The following PHKA2 variants were observed in gnomAD, a reference collection of about 807,000 sequenced individuals.
PHKA2 encodes the protein phosphorylase b kinase regulatory subunit alpha, liver isoform.
Under a neutral mutation model 102.0 loss-of-function variants are expected in PHKA2, and 31 were observed. The observed-to-expected ratio is 0.30, with a 90% CI of 0.23 to 0.41. PHKA2 has a LOEUF of 0.41. PHKA2 is among the 10% of genes least tolerant of loss of function. PHKA2 has a pLI of 1.00. For synonymous variants in PHKA2, 455 were observed against 416.2 expected, an observed-to-expected ratio of 1.09 and a Z score of -1.13; for missense variants, 858 against 1,023.1, an observed-to-expected ratio of 0.84 and a Z score of 2.20.
At position 18,897,271 on chromosome X, in the gene PHKA2, G is replaced by A. The variant is rs750028556; in HGVS notation, c.3174C>T (p.Ile1058=). 18 of 1,209,326 alleles carry A rather than the reference G, an allele frequency of 1.5e-5. No individual in the cohort carries two copies. The highest frequency in any genetic ancestry group is 1.8e-5 in the South Asian group (1 of 56,793). ...ACTGGCCCTGCCGCTCACCCCAGCC[G>A]ATGTGATGTCCTCCCGAGTCTGAGG... is the stretch of plus-strand genomic sequence containing the variant. ...TSSSDSGGHH[I]GWGERQGQWL... Residue 1058 remains isoleucine (I), a synonymous_variant, in exon 30 of 33, where the codon ATC becomes ATT. Coordinates refer to ENST00000379942, the MANE Select transcript of PHKA2 (RefSeq NM_000292.3).
intron 5 of PHKA2, among the ~76,000 whole-genome samples, chrX:18,946,964 C>T (rs968431279): frequency 1.8e-5 from 2 of 109,102 alleles, no homozygotes; most frequent in Non-Finnish European, 3.8e-5. Flanking sequence ...TGACCAGGTG[C>T]GACAACCAAA....
At chrX:18,905,995 T>G (rs758208896) in intron 25 of PHKA2, 136 bp from the exon 26 acceptor site, 9 of 512,183 alleles carry the variant, frequency 1.8e-5, no homozygotes, top group Non-Finnish European at 2.8e-5. Flanking sequence ...AACCTCACTA[T>G]TGCTTTGGGG....
At chrX:18,915,846 T>C (rs973509811) in intron 19 of PHKA2, among the ~76,000 whole-genome samples, 4 of 111,017 alleles carry the variant, frequency 3.6e-5, no homozygotes, top group Non-Finnish European at 7.5e-5. Flanking sequence ...AATGATAAAG[T>C]CTTCTCTAGG....
intron 12 of PHKA2, among the ~76,000 whole-genome samples, chrX:18,930,420 TGTTCTGGGA>T (rs1194725941): frequency 9.2e-6 from 1 of 108,318 alleles, no homozygotes; most frequent in African/African-American, 3.4e-5. Flanking sequence ...AGGATCAAGG[TGTTCTGGGA>T]GTTCTGAGGA....
intron 1 of PHKA2, among the ~76,000 whole-genome samples, chrX:18,963,458 C>G (rs1002582890): frequency 8.9e-6 from 1 of 112,293 alleles, no homozygotes; most frequent in Non-Finnish European, 1.9e-5. Flanking sequence ...CACTCAGAGT[C>G]AAACAGGGCA....
intron 1 of PHKA2, among the ~76,000 whole-genome samples, chrX:18,983,608 C>T (rs987450218): frequency 8.9e-6 from 1 of 112,243 alleles, no homozygotes; most frequent in African/African-American, 3.2e-5. Flanking sequence ...ACGGAGGCGG[C>T]TCATTCTCAT....
At chrX:18,934,577 G>A (rs1382001765) in intron 11 of PHKA2, among the ~76,000 whole-genome samples, 1 of 112,143 alleles carries the variant, frequency 8.9e-6, no homozygotes, top group South Asian at 3.7e-4. Context: ...ACTTCTCACG[G>A]AAACTCCTTC....
At chrX:18,978,698 G>C (rs1465340937) in intron 1 of PHKA2, among the ~76,000 whole-genome samples, 1 of 111,435 alleles carries the variant, frequency 9.0e-6, no homozygotes, top group East Asian at 2.8e-4. Context: ...GGGTGACAGA[G>C]CGAGACTCTG....
chrX:18,937,792 G>A (rs2048417886), intron 10 of PHKA2, among the ~76,000 whole-genome samples: 1 of 112,246 alleles, frequency 8.9e-6, no homozygotes, highest in Admixed American at 9.4e-5. Context: ...AAGCAAGGCA[G>A]TAGCATAACC....
In PHKA2 at chrX:18,954,426, G is replaced by A. The variant is rs746984870; in HGVS notation, c.79-14C>T. The A allele has an allele frequency of 8.3e-7, 1 of 1,206,444 alleles. No individual in the cohort carries two copies. The highest frequency in any genetic ancestry group is 1.1e-6 in the Non-Finnish European group (1 of 892,702). ...CGTGACGGGATTCTATTAGAGAAGA[G>A]ACACAAAATGGCTCAGTGCCATCCT... is the stretch of plus-strand genomic sequence containing the variant. On this transcript the variant is annotated splice_polypyrimidine_tract_variant and intron_variant, in intron 1 of 32. Coordinates refer to ENST00000379942, the MANE Select transcript of PHKA2 (RefSeq NM_000292.3).
chrX:18,952,346 AAAAAAG>A, intron 3 of PHKA2, 142 bp downstream of exon 3: 1 of 498,959 alleles, frequency 2.0e-6, no homozygotes. Flanking sequence ...AAAAAAAAAA[AAAAAAG>A]AGAGAGAGAA....
At position 18,943,756 on chromosome X, in the gene PHKA2, C is replaced by A. The variant is rs1202167585; in HGVS notation, c.671G>T (p.Arg224Leu). 1 of 1,210,254 alleles carries A rather than the reference C, an allele frequency of 8.3e-7. No homozygotes were observed. Among genetic ancestry groups the A allele is most frequent in the Non-Finnish European group, 1.1e-6 (1 of 894,134 alleles). Residue 224 changes from arginine (R) to leucine (L), a missense_variant, in exon 7 of 33, where the codon CGC (arginine) becomes CTC (leucine). Physicochemically the swap from Arg to Leu is moderately radical, Grantham distance 102. This residue lies in a region of PHKA2 where 187 missense variants were observed against 277.9 expected (regional missense o/e 0.67). Coordinates refer to ENST00000379942, the MANE Select transcript of PHKA2 (RefSeq NM_000292.3). Reference protein sequence around the residue: ...ELDLFGAHGGRKSVIHVLPDE... With the variant: ...ELDLFGAHGGLKSVIHVLPDE... Reference sequence around the variant, plus strand: ...TGGCAGAACATGAATCACTGACTTGCGTCCTCCATGGGCTCCAAAAAGGTC... The same window carrying A: ...TGGCAGAACATGAATCACTGACTTGAGTCCTCCATGGGCTCCAAAAAGGTC...
chrX:18,919,958 T>C, intron 18 of PHKA2, 74 bp downstream of exon 18: 1 of 811,894 alleles, frequency 1.2e-6, no homozygotes, highest in South Asian at 2.0e-5. Context: ...ATTTGAGTCT[T>C]AGGGCAATTT....
In PHKA2 at chrX:18,918,858, T is replaced by C; in HGVS notation, c.1964-4A>G. On this transcript the variant is annotated splice_polypyrimidine_tract_variant and splice_region_variant and intron_variant, in intron 18 of 32. Coordinates refer to ENST00000379942, the MANE Select transcript of PHKA2 (RefSeq NM_000292.3). ...TGGTCAAGTTCGTCTTGGCTTTCTG[T>C]AATTGGACAAGCAAGAAAAAGAGCC... The C allele has an allele frequency of 1.7e-6, 2 of 1,208,560 alleles. No homozygotes were observed. The highest frequency in any genetic ancestry group is 2.2e-6 in the Non-Finnish European group (2 of 892,842).
intron 22 of PHKA2, 34 bp downstream of exon 22, chrX:18,907,866 A>G (rs1192139194): frequency 8.3e-7 from 1 of 1,199,213 alleles, no homozygotes; most frequent in African/African-American, 1.8e-5. Context: ...CGAGCTAGTG[A>G]GCACACATGG....
intron 4 of PHKA2, among the ~76,000 whole-genome samples, chrX:18,950,525 G>A (rs2048663169): frequency 8.9e-6 from 1 of 112,659 alleles, no homozygotes; most frequent in Non-Finnish European, 1.9e-5. Context: ...CAGGTGGAGG[G>A]TGACTGTCCT....
intron 31 of PHKA2, chrX:18,894,814 G>A (rs753383892): frequency 4.0e-5 from 16 of 400,997 alleles, no homozygotes; most frequent in South Asian, 3.4e-4. Flanking sequence ...GAAAAGGGCC[G>A]AGAAGGCTGC....
chrX:18,895,345 G>A (rs1196283834), intron 30 of PHKA2, 154 bp from the exon 31 acceptor site: 18 of 531,046 alleles, frequency 3.4e-5, no homozygotes, highest in Non-Finnish European at 6.0e-5. Context: ...TTTTTAGAGA[G>A]CTTGTTCTCA....
chrX:18,924,348 C>T, intron 16 of PHKA2, 33 bp downstream of exon 16: 3 of 1,205,675 alleles, frequency 2.5e-6, no homozygotes, highest in Non-Finnish European at 3.4e-6. Flanking sequence ...ACCCCTGGGG[C>T]AGGAGGGAGC....
Sources: allele counts gnomAD v4.1 joint callset (sites outside exome capture counted in the v4.1 genomes callset), GRCh38; gene constraint gnomAD v4.1.1; regional missense constraint gnomAD v4.1.1; transcripts MANE v1.5; gene names NCBI Gene and HGNC (gene_info 2026-07-23, HGNC 2026-07-21).